The following RNF187 variants were observed in gnomAD, a reference collection of about 807,000 sequenced individuals.
RNF187 encodes the protein ring finger protein 187.
In RNF187, 18 loss-of-function variants were observed where a neutral mutation model predicts 22.2. The ratio of observed to expected loss-of-function variants is 0.81; its 90% CI spans 0.56 to 1.20. The LOEUF is 1.20. Ranked by LOEUF, RNF187 falls within the 50% of genes most tolerant of loss-of-function variation. The pLI, the probability that RNF187 is intolerant of heterozygous loss-of-function variation, is 0.00. For synonymous variants in RNF187, 164 were observed against 140.9 expected, an observed-to-expected ratio of 1.16 and a Z score of -1.16; for missense variants, 329 against 317.6, an observed-to-expected ratio of 1.04 and a Z score of -0.27.
At chr1:228,488,408 CCT>C in intron 1 of RNF187, 1 of 155,714 alleles carries the variant, frequency 6.4e-6, no homozygotes, top group Non-Finnish European at 1.4e-5. Flanking sequence ...CCCCCTGTCC[CCT>C]CTCCCATCTT....
At position 228,493,860 on chromosome 1, in the gene RNF187, T is replaced by A; in HGVS notation, c.706-23T>A. 6.4e-7 allele frequency: 1 copy of A among 1,551,402 alleles called. No homozygotes were observed. The highest frequency in any genetic ancestry group is 1.4e-5 in the African/African-American group (1 of 73,048). Reference sequence around the variant, plus strand: ...CTCTTTCTCTTTTTGTCTCTCTGTCTTTCCCTCTCCCCTCCCATGCAGTGA... The same window carrying A: ...CTCTTTCTCTTTTTGTCTCTCTGTCATTCCCTCTCCCCTCCCATGCAGTGA... On this transcript the variant is annotated intron_variant, in intron 3 of 3. Coordinates refer to ENST00000305943, the MANE Select transcript of RNF187 (RefSeq NM_001010858.3). This position sits in a 1 kb window ranked among gnomAD's most constrained non-coding sequence, Gnocchi z 4.7.
Position 228,494,061 on chromosome 1 carries a change from G to C in RNF187, c.*176G>C. ...TATCCTTCACCCCGAGGCGTGTTTT[G>C]GGGGCTGCAAACACCTCCCGGTAGA... On this transcript the variant is annotated 3_prime_UTR_variant, in exon 4 of 4. Transcript: ENST00000305943. The C allele has an allele frequency of 6.6e-7, 1 of 1,505,928 alleles. No homozygotes were observed. The highest frequency in any genetic ancestry group is 2.5e-5 in the East Asian group (1 of 40,484). The allele number at this position is 1,505,928 out of a possible 1,614,324, so 93.3% of individuals were successfully genotyped here.
chr1:228,489,091 C>G, intron 2 of RNF187, 39 bp downstream of exon 2: 2 of 1,496,092 alleles, frequency 1.3e-6, no homozygotes, highest in African/African-American at 2.8e-5. Context: ...AATGAGGGGA[C>G]TGTGGGCTCA....
In RNF187 at chr1:228,487,408, C is replaced by G; in HGVS notation, c.-81C>G. 9.4e-7 allele frequency: 1 copy of G among 1,064,432 alleles called. No homozygotes were observed. The allele number at this position is 1,064,432 out of a possible 1,614,324, so 65.9% of individuals were successfully genotyped here. A position where few individuals can be genotyped will look rare whatever the true frequency, so the allele number is the denominator to read the frequency against. Reference sequence around the variant, plus strand: ...TTGGCGTCTTCGTCCTGTTGCTGGTCTCCGTCCGGTCGCCGGCCGTCTAGG... The same window carrying G: ...TTGGCGTCTTCGTCCTGTTGCTGGTGTCCGTCCGGTCGCCGGCCGTCTAGG... On this transcript the variant is annotated 5_prime_UTR_variant, in exon 1 of 4. Coordinates refer to ENST00000305943, the MANE Select transcript of RNF187 (RefSeq NM_001010858.3).
At chr1:228,488,310 ACG>A in intron 1 of RNF187, 2 of 153,190 alleles carry the variant, frequency 1.3e-5, no homozygotes, top group Non-Finnish European at 2.9e-5. Context: ...GGGAGACATC[ACG>A]CCTCTTGCCC....
chr1:228,491,495 C>T, intron 2 of RNF187, among the ~76,000 whole-genome samples: 1 of 150,204 alleles, frequency 6.7e-6, no homozygotes, highest in African/African-American at 2.5e-5. Flanking sequence ...GGCTGGAGTG[C>T]AGTGGTGCGA....
At position 228,493,333 on chromosome 1, in the gene RNF187, G is replaced by A; in HGVS notation, c.705+59G>A. ...GGCCAGGGTGGACGCAGGCAGCAGC[G>A]AGCCATTGGGGGACCATTGCCCGAA... On this transcript the variant is annotated intron_variant, in intron 3 of 3. Transcript: ENST00000305943. The surrounding 1 kb of genome is among the most constrained non-coding windows in gnomAD (Gnocchi z 4.7). 2.7e-6 allele frequency: 4 copies of A among 1,507,546 alleles called. No homozygotes were observed. The highest frequency in any genetic ancestry group is 1.3e-5 in the South Asian group (1 of 79,780). The allele number at this position is 1,507,546 out of a possible 1,614,324, so 93.4% of individuals were successfully genotyped here.
chr1:228,487,670 TG>T lies in RNF187; in HGVS notation c.184del (p.Glu62SerfsTer78). ...GCCGACGACTGCTGGCAGCGCGCCG[TG>T]GAGCCCGGCAGGCCCCCGCTCAGCC... On this transcript the variant is annotated frameshift_variant, in exon 1 of 4. Coordinates refer to ENST00000305943, the MANE Select transcript of RNF187 (RefSeq NM_001010858.3). LOFTEE classifies it high-confidence loss of function. 1 of 1,122,954 alleles carries T rather than the reference TG, an allele frequency of 8.9e-7. No homozygotes were observed. The highest frequency in any genetic ancestry group is 3.2e-5 in the South Asian group (1 of 31,454). The allele number at this position is 1,122,954 out of a possible 1,614,324, so 69.6% of individuals were successfully genotyped here.
At chr1:228,489,239 G>T in intron 2 of RNF187, among the ~76,000 whole-genome samples, 187 bp downstream of exon 2, 1 of 152,202 alleles carries the variant, frequency 6.6e-6, no homozygotes, top group Admixed American at 6.5e-5. Context: ...TTCTCAAATA[G>T]AATCTAGCCA....
In RNF187 at chr1:228,494,384, T is replaced by C; in HGVS notation, c.*499T>C. 9.8e-7 allele frequency: 1 copy of C among 1,016,640 alleles called. No individual in the cohort carries two copies. The highest frequency in any genetic ancestry group is 1.7e-5 in the African/African-American group (1 of 58,948). The allele number at this position is 1,016,640 out of a possible 1,614,324, so 63.0% of individuals were successfully genotyped here. ...GGTCTTCAGGGAGAGAAAGGAAGAC[T>C]GGATTGCACCTTGATGCCTCCTGAG... On this transcript the variant is annotated 3_prime_UTR_variant, in exon 4 of 4. Transcript: ENST00000305943.
In RNF187 at chr1:228,494,852, C is replaced by G; in HGVS notation, c.*967C>G. 2.0e-6 allele frequency: 2 copies of G among 985,308 alleles called. No individual in the cohort carries two copies. The highest frequency in any genetic ancestry group is 3.5e-5 in the African/African-American group (2 of 57,210). 61.0% of individuals were successfully genotyped at this position (985,308 alleles called of 1,614,324 possible). ...GATAGCCGGGCTTGTGAGCGGTGCC[C>G]ATTTCCAGATGAAGCCTTTCAGCCC... is the stretch of plus-strand genomic sequence containing the variant. On this transcript the variant is annotated 3_prime_UTR_variant, in exon 4 of 4. Transcript: ENST00000305943.
chr1:228,494,524 C>T lies in RNF187; in HGVS notation c.*639C>T. The T allele has an allele frequency of 1.0e-6, 1 of 986,332 alleles. No homozygotes were observed. Among genetic ancestry groups the T allele is most frequent in the African/African-American group, 1.7e-5 (1 of 57,234 alleles). 61.1% of individuals were successfully genotyped at this position (986,332 alleles called of 1,614,324 possible). On this transcript the variant is annotated 3_prime_UTR_variant, in exon 4 of 4. Transcript: ENST00000305943. Reference sequence around the variant, plus strand: ...ACTCCTGTGCCTCCCAGGAGCCCTCCCTGTGCTCCACCTGCCTCCGCAGAA... The same window carrying T: ...ACTCCTGTGCCTCCCAGGAGCCCTCTCTGTGCTCCACCTGCCTCCGCAGAA...
chr1:228,493,762 T>G lies in RNF187; in HGVS notation c.706-121T>G. ...CCTGGGTTTGTTGTGCTCAGGACAG[T>G]ACCTCATGCGCTGTCTCATGTGCGC... On this transcript the variant is annotated intron_variant, in intron 3 of 3. Coordinates refer to ENST00000305943, the MANE Select transcript of RNF187 (RefSeq NM_001010858.3). This position sits in a 1 kb window ranked among gnomAD's most constrained non-coding sequence, Gnocchi z 4.7. The G allele has an allele frequency of 9.2e-7, 1 of 1,081,990 alleles. No homozygotes were observed. Among genetic ancestry groups the G allele is most frequent in the East Asian group, 2.6e-5 (1 of 38,864 alleles). 67.0% of individuals were successfully genotyped at this position (1,081,990 alleles called of 1,614,324 possible).
At position 228,487,738 on chromosome 1, in the gene RNF187, C is replaced by T. The variant is rs1658871174; in HGVS notation, c.250C>T (p.Arg84Cys). ...CGAGGAGGCGGCCGCGGCGCCCGCG[C>T]GCGACGGCCCGGCCAGCGAGGCCGC... The change falls in exon 1 of 4, where the codon CGC (arginine) becomes TGC (cysteine). Residue 84 changes from arginine to cysteine, a missense_variant. Coordinates refer to ENST00000305943, the MANE Select transcript of RNF187 (RefSeq NM_001010858.3). 6.8e-6 allele frequency: 7 copies of T among 1,029,000 alleles called. No homozygotes were observed. The highest frequency in any genetic ancestry group is 8.1e-6 in the Non-Finnish European group (7 of 860,456). 63.7% of individuals were successfully genotyped at this position (1,029,000 alleles called of 1,614,324 possible). A position where few individuals can be genotyped will look rare whatever the true frequency, so the allele number is the denominator to read the frequency against.
chr1:228,492,931 G>C, intron 2 of RNF187, 122 bp from the exon 3 acceptor site: 3 of 1,083,498 alleles, frequency 2.8e-6, no homozygotes, highest in Non-Finnish European at 1.3e-6. Context: ...CCTAATAGTC[G>C]ATGTGCCTGA....
At position 228,487,598 on chromosome 1, in the gene RNF187, T is replaced by C; in HGVS notation, c.110T>C (p.Val37Ala). 7.9e-7 allele frequency: 1 copy of C among 1,273,562 alleles called. No individual in the cohort carries two copies. 78.9% of individuals were successfully genotyped at this position (1,273,562 alleles called of 1,614,324 possible). The change falls in exon 1 of 4, where the codon GTG (valine) becomes GCG (alanine). Residue 37 changes from valine (V) to alanine (A), a missense_variant. Coordinates refer to ENST00000305943, the MANE Select transcript of RNF187 (RefSeq NM_001010858.3). ...CACCGCTTCTGTCGGGCGTGCGTGG[T>C]GCGCTTCTGGGCCGAGGAGGACGGG...
chr1:228,493,679 C>T lies in RNF187; in HGVS notation c.706-204C>T. ...GATGGCCCTGAACGGTTCAGTTGCC[C>T]GTGCCAGCCATAGGTGACAAGGCTT... is the stretch of plus-strand genomic sequence containing the variant. On this transcript the variant is annotated intron_variant, in intron 3 of 3. Transcript: ENST00000305943. This position sits in a 1 kb window ranked among gnomAD's most constrained non-coding sequence, Gnocchi z 4.7. Among the ~76,000 whole-genome samples, 10 of 152,288 alleles carry T rather than the reference C, an allele frequency of 6.6e-5. No individual in the cohort carries two copies. Among genetic ancestry groups the T allele is most frequent in the African/African-American group, 1.9e-4 (8 of 41,558 alleles).
Position 228,494,330 on chromosome 1 carries a change from G to T in RNF187, c.*445G>T. 1 of 1,063,252 alleles carries T rather than the reference G, an allele frequency of 9.4e-7. No homozygotes were observed. Among genetic ancestry groups the T allele is most frequent in the Non-Finnish European group, 1.1e-6 (1 of 875,010 alleles). 65.9% of individuals were successfully genotyped at this position (1,063,252 alleles called of 1,614,324 possible). On this transcript the variant is annotated 3_prime_UTR_variant, in exon 4 of 4. Coordinates refer to ENST00000305943, the MANE Select transcript of RNF187 (RefSeq NM_001010858.3). ...GGTTAGCATCCAGAAAGAAGAATGC[G>T]CATGACGCTCTGTGAAGGCTGGAAC...
At chr1:228,490,015 T>C in intron 2 of RNF187, among the ~76,000 whole-genome samples, 1 of 152,254 alleles carries the variant, frequency 6.6e-6, no homozygotes, top group African/African-American at 2.4e-5. Context: ...TAAAGCTCTT[T>C]AGTCGTTTAA....
Sources: allele counts gnomAD v4.1 joint callset (sites outside exome capture counted in the v4.1 genomes callset), GRCh38; gene constraint gnomAD v4.1.1; non-coding constraint Gnocchi (gnomAD v3.1); transcripts MANE v1.5; gene names NCBI Gene and HGNC (gene_info 2026-07-23, HGNC 2026-07-21).